Variants in BMP5 observed in about 807,000 individuals in gnomAD.
BMP5 encodes bone morphogenetic protein 5.
Under a neutral mutation model 46.6 loss-of-function variants are expected in BMP5, and 23 were observed. The observed-to-expected ratio is 0.49, with a 90% confidence interval of 0.35 to 0.70. The LOEUF is 0.70. Among genes scored for constraint, BMP5 ranks in the 30% least tolerant of loss-of-function variants. The pLI, the probability that BMP5 is intolerant of heterozygous loss-of-function variation, is 0.00. For synonymous variants in BMP5, 204 were observed against 191.9 expected (o/e 1.06, Z -0.52); for missense variants, 545 against 565.6 (o/e 0.96, Z 0.37).
intron 3 of BMP5, among the ~76,000 whole-genome samples, chr6:55,786,888 C>T (rs1414256454): frequency 6.6e-6 from 1 of 151,550 alleles, no homozygotes; most frequent in Non-Finnish European, 1.5e-5. Context: ...ACAAAAATGA[C>T]TTAATTACTT....
intron 3 of BMP5, among the ~76,000 whole-genome samples, chr6:55,776,047 T>C (rs1482691486): frequency 6.6e-6 from 1 of 151,980 alleles, no homozygotes; most frequent in Non-Finnish European, 1.5e-5. Flanking sequence ...CAAATGCCAC[T>C]ATACTGAGTT....
intron 3 of BMP5, among the ~76,000 whole-genome samples, chr6:55,792,249 C>A (rs893883608): frequency 2.0e-5 from 3 of 152,022 alleles, no homozygotes; most frequent in Non-Finnish European, 2.9e-5. Context: ...AGATTTGAGA[C>A]CCTGCCGGGC....
At chr6:55,873,863 A>T (rs16887327) in intron 1 of BMP5, among the ~76,000 whole-genome samples, 3,839 of 152,050 alleles carry the variant, frequency 0.025, 175 homozygotes, top group African/African-American at 0.086. Context: ...CCTTGATAGT[A>T]ATCTTTTATG....
In BMP5 at chr6:55,754,523, T is replaced by G. The variant is rs1236341070; in HGVS notation, c.*1010A>C. ...GGGACTTTTGGTAATTTCCTCCAGT[T>G]TAGTTTCAGTGCTTTTACTTCTAAA... On this transcript the variant is annotated 3_prime_UTR_variant, in exon 7 of 7. Coordinates refer to ENST00000370830, the MANE Select transcript of BMP5 (RefSeq NM_021073.4). 2.6e-5 allele frequency: 4 copies of G among 151,962 alleles called. No individual in the cohort carries two copies. Among genetic ancestry groups the G allele is most frequent in the African/African-American group, 9.7e-5 (4 of 41,420 alleles). The allele number at this position is 151,962 out of a possible 1,614,324, so 9.4% of individuals were successfully genotyped here. A position where few individuals can be genotyped will look rare whatever the true frequency, so the allele number is the denominator to read the frequency against.
intron 3 of BMP5, among the ~76,000 whole-genome samples, chr6:55,784,453 A>T (rs1270079766): frequency 6.6e-6 from 1 of 151,832 alleles, no homozygotes; most frequent in Non-Finnish European, 1.5e-5. Flanking sequence ...AAGAGAAATT[A>T]TTTCCTGCCT....
At chr6:55,786,362 T>C (rs1437514771) in intron 3 of BMP5, among the ~76,000 whole-genome samples, 1 of 151,794 alleles carries the variant, frequency 6.6e-6, no homozygotes, top group Non-Finnish European at 1.5e-5. Flanking sequence ...ATTTACATTA[T>C]GCTGTATAAT....
chr6:55,860,922 C>T (rs977987212), intron 1 of BMP5, among the ~76,000 whole-genome samples: 10 of 152,078 alleles, frequency 6.6e-5, no homozygotes, highest in Non-Finnish European at 1.2e-4. Flanking sequence ...TCATAAAATA[C>T]ATAAGGAGCA....
intron 2 of BMP5, among the ~76,000 whole-genome samples, chr6:55,808,297 T>C (rs1282193099): frequency 6.6e-5 from 10 of 152,172 alleles, no homozygotes; most frequent in Non-Finnish European, 1.5e-5. Flanking sequence ...CTGTGAGGGA[T>C]ACTTCTTGGG....
At position 55,814,464 on chromosome 6, in the gene BMP5, G is replaced by GT. The variant is rs1349558277; in HGVS notation, c.683+5190dup. ...CTTGATCTGAAATACTTTTTCATCTGTTTTTTATTTTTTCAGATTTGCAAA... is the reference window on the plus strand; with the variant it reads ...CTTGATCTGAAATACTTTTTCATCTGTTTTTTTATTTTTTCAGATTTGCAAA... On this transcript the variant is annotated intron_variant, in intron 2 of 6. Transcript: ENST00000370830. Among the ~76,000 whole-genome samples the GT allele has an allele frequency of 4.6e-5, 7 of 151,922 alleles. No individual in the cohort carries two copies. In the East Asian group the frequency reaches 7.7e-4, roughly 17 times the overall value.
At chr6:55,814,310 T>C (rs1038706252) in intron 2 of BMP5, among the ~76,000 whole-genome samples, 1 of 152,146 alleles carries the variant, frequency 6.6e-6, no homozygotes, top group Admixed American at 6.5e-5. Context: ...ATGTATATAG[T>C]TCTGTAAACT....
At chr6:55,848,498 A>T (rs529618576) in intron 1 of BMP5, among the ~76,000 whole-genome samples, 151 of 152,122 alleles carry the variant, frequency 9.9e-4, no homozygotes, top group Non-Finnish European at 1.8e-3. Context: ...ACGATATGAT[A>T]AATGGTATCA....
chr6:55,812,280 A>G (rs560129522), intron 2 of BMP5, among the ~76,000 whole-genome samples: 1 of 152,350 alleles, frequency 6.6e-6, no homozygotes, highest in South Asian at 2.1e-4. Context: ...ACACATTTAA[A>G]TATGAGTAGG....
Position 55,874,833 on chromosome 6 carries a change from A to AGCAGCTCCAGAGG in BMP5, c.32_33insCCTCTGGAGCTGC (p.Val12LeufsTer34). The AGCAGCTCCAGAGG allele has an allele frequency of 6.2e-7, 1 of 1,613,320 alleles. No individual in the cohort carries two copies. The highest frequency in any genetic ancestry group is 8.5e-7 in the Non-Finnish European group (1 of 1,179,570). The stretch of plus-strand genomic sequence containing the variant: ...CCCAGCAGCTCCAGAGGAAACCCAC[A>AGCAGCTCCAGAGG]ATACCCTTAAGTAAAAATACAGTCA... On this transcript the variant is annotated frameshift_variant, in exon 1 of 7. Transcript: ENST00000370830. LOFTEE classifies it high-confidence loss of function.
At chr6:55,832,386 A>G (rs1225742818) in intron 1 of BMP5, among the ~76,000 whole-genome samples, 1 of 152,184 alleles carries the variant, frequency 6.6e-6, no homozygotes, top group Non-Finnish European at 1.5e-5. Context: ...GATCCCCCAA[A>G]TCCCCAGGAC....
At chr6:55,827,306 A>G (rs1776555360) in intron 1 of BMP5, among the ~76,000 whole-genome samples, 1 of 151,754 alleles carries the variant, frequency 6.6e-6, no homozygotes, top group African/African-American at 2.4e-5. Context: ...GCAGAGGTAA[A>G]TTAATCATTT....
Position 55,754,973 on chromosome 6 carries a change from T to C in BMP5, c.*560A>G, listed in dbSNP as rs1193921774. On this transcript the variant is annotated 3_prime_UTR_variant, in exon 7 of 7. Transcript: ENST00000370830. ...CAATTCTGTGCAATCTTTCAGCTTCTATGTTCTGCCTACCGTTTATTTATT... is the reference window on the plus strand; with the variant it reads ...CAATTCTGTGCAATCTTTCAGCTTCCATGTTCTGCCTACCGTTTATTTATT... The C allele has an allele frequency of 6.6e-6, 1 of 152,384 alleles. No individual in the cohort carries two copies. The highest frequency in any genetic ancestry group is 2.4e-5 in the African/African-American group (1 of 41,444). 9.4% of individuals were successfully genotyped at this position (152,384 alleles called of 1,614,324 possible).
At chr6:55,819,059 T>C (rs1776347477) in intron 2 of BMP5, among the ~76,000 whole-genome samples, 1 of 152,178 alleles carries the variant, frequency 6.6e-6, no homozygotes, top group South Asian at 2.1e-4. Flanking sequence ...GATTTCTGCA[T>C]TTTGTTAAAT....
chr6:55,833,771 G>A (rs1776718810), intron 1 of BMP5, among the ~76,000 whole-genome samples: 1 of 152,084 alleles, frequency 6.6e-6, no homozygotes. Context: ...AGGATATAGT[G>A]TCTCTTTTCT....
intron 1 of BMP5, among the ~76,000 whole-genome samples, chr6:55,823,583 C>T (rs1776460399): frequency 6.6e-6 from 1 of 151,998 alleles, no homozygotes; most frequent in Non-Finnish European, 1.5e-5. Flanking sequence ...GATTTCATCC[C>T]AGGATTTCAA....
Sources: allele counts gnomAD v4.1 joint callset (sites outside exome capture counted in the v4.1 genomes callset), GRCh38; gene constraint gnomAD v4.1.1; transcripts MANE v1.5; gene names NCBI Gene and HGNC (gene_info 2026-07-23, HGNC 2026-07-21).